The following BAG3 variants were observed in gnomAD, a reference collection of about 807,000 sequenced individuals.
BAG3 encodes BAG family molecular chaperone regulator 3.
A neutral mutation model predicts 40.5 loss-of-function variants in BAG3; 14 were observed. The observed-to-expected ratio is 0.35, with a 90% CI of 0.23 to 0.54. The LOEUF (loss-of-function observed/expected upper bound fraction) is 0.54, where lower values mean the gene tolerates loss of function less well. Among genes scored for constraint, BAG3 ranks in the 20% least tolerant of loss-of-function variants. The pLI is 0.91. For synonymous variants in BAG3, 302 were observed against 307.8 expected (o/e 0.98, Z 0.20); for missense variants, 788 against 758.6 (o/e 1.04, Z -0.46).
intron 1 of BAG3, among the ~76,000 whole-genome samples, chr10:119,666,870 A>G (rs930106441): frequency 6.6e-6 from 1 of 152,004 alleles, no homozygotes. Flanking sequence ...TATTCCCATC[A>G]CCTCAGAAAG....
At chr10:119,668,951 G>A (rs1847103366) in intron 1 of BAG3, among the ~76,000 whole-genome samples, 1 of 152,170 alleles carries the variant, frequency 6.6e-6, no homozygotes, top group African/African-American at 2.4e-5. Flanking sequence ...CAGTGTGGAT[G>A]GAAAATTAGA....
Position 119,676,881 on chromosome 10 carries a change from G to A in BAG3, c.1327G>A (p.Glu443Lys). Residue 443 changes from glutamate to lysine, a missense_variant, in exon 4 of 4, where the codon GAA (glutamate) becomes AAA (lysine). Physicochemically the swap from Glu to Lys is moderately conservative, Grantham distance 56. Coordinates refer to ENST00000369085, the MANE Select transcript of BAG3 (RefSeq NM_004281.4). Reference protein sequence around the residue: ...QGLEQAVDNFEGKKTDKKYLM... With the variant: ...QGLEQAVDNFKGKKTDKKYLM... Reference sequence around the variant, plus strand: ...GCTGGAGCAGGCTGTAGACAACTTTGAAGGCAAGAAGACTGACAAAAAGTA... The same window carrying A: ...GCTGGAGCAGGCTGTAGACAACTTTAAAGGCAAGAAGACTGACAAAAAGTA... The A allele has an allele frequency of 6.2e-7, 1 of 1,614,192 alleles. No homozygotes were observed.
rs115272164 is a variant in BAG3, at chr10:119,654,096, T to C, written c.180+2241T>C. Reference sequence around the variant, plus strand: ...CATGAGCTGTTTGTGCTTCATTGCTTTCAATCCTGTGCTTTGACACACACA... The same window carrying C: ...CATGAGCTGTTTGTGCTTCATTGCTCTCAATCCTGTGCTTTGACACACACA... On this transcript the variant is annotated intron_variant, in intron 1 of 3. Coordinates refer to ENST00000369085, the MANE Select transcript of BAG3 (RefSeq NM_004281.4). Among the ~76,000 whole-genome samples, 638 of 152,310 alleles carry C rather than the reference T, an allele frequency of 4.2e-3. 7 individuals are homozygous for C. Among genetic ancestry groups the C allele is most frequent in the African/African-American group, 0.014 (602 of 41,568 alleles).
chr10:119,652,135 C>T (rs1414828513), intron 1 of BAG3, among the ~76,000 whole-genome samples: 1 of 152,076 alleles, frequency 6.6e-6, no homozygotes, highest in East Asian at 1.9e-4. Context: ...GTCCACGGCT[C>T]GACTCCAGGG....
chr10:119,671,600 GC>G (rs1847151004), intron 2 of BAG3, among the ~76,000 whole-genome samples: 1 of 152,180 alleles, frequency 6.6e-6, no homozygotes, highest in African/African-American at 2.4e-5. Flanking sequence ...CTGTGTGCTG[GC>G]CTGGGGCTGA....
At chr10:119,653,137 C>T (rs1253656499) in intron 1 of BAG3, among the ~76,000 whole-genome samples, 2 of 152,342 alleles carry the variant, frequency 1.3e-5, no homozygotes, top group East Asian at 3.9e-4. Context: ...ATTGATAAAA[C>T]TCCGGTGCCC....
intron 1 of BAG3, among the ~76,000 whole-genome samples, chr10:119,661,146 G>C (rs901408868): frequency 6.6e-6 from 1 of 152,184 alleles, no homozygotes; most frequent in African/African-American, 2.4e-5. Flanking sequence ...TGTAATCCCA[G>C]CTACTCGGGA....
intron 1 of BAG3, among the ~76,000 whole-genome samples, chr10:119,655,517 C>T (rs959733798): frequency 2.0e-5 from 3 of 152,140 alleles, no homozygotes; most frequent in African/African-American, 7.2e-5. Context: ...TTCAGCAGAG[C>T]CTCCTGAATT....
intron 3 of BAG3, among the ~76,000 whole-genome samples, chr10:119,673,035 C>T (rs1847174651): frequency 6.6e-6 from 1 of 152,130 alleles, no homozygotes; most frequent in African/African-American, 2.4e-5. Flanking sequence ...CAGTGTGTCA[C>T]CTTCCACTCA....
Position 119,672,244 on chromosome 10 carries a change from G to A in BAG3, c.508-11G>A. 1 of 1,612,186 alleles carries A rather than the reference G, an allele frequency of 6.2e-7. No homozygotes were observed. The highest frequency in any genetic ancestry group is 8.5e-7 in the Non-Finnish European group (1 of 1,180,014). On this transcript the variant is annotated splice_polypyrimidine_tract_variant and intron_variant, in intron 2 of 3. Transcript: ENST00000369085. The surrounding 1 kb of genome is among the most constrained non-coding windows in gnomAD (Gnocchi z 4.8). Reference sequence around the variant, plus strand: ...TGTGGGGTCATGCCCTCTACCCTGTGTCTCTTGCAGCGGTCCCAGTCTCCA... The same window carrying A: ...TGTGGGGTCATGCCCTCTACCCTGTATCTCTTGCAGCGGTCCCAGTCTCCA...
At chr10:119,652,978 G>T (rs1004603320) in intron 1 of BAG3, among the ~76,000 whole-genome samples, 1 of 152,154 alleles carries the variant, frequency 6.6e-6, no homozygotes, top group Non-Finnish European at 1.5e-5. Flanking sequence ...TGTTAACGCC[G>T]TCTGGGCAAG....
At chr10:119,666,569 G>T (rs1847070977) in intron 1 of BAG3, among the ~76,000 whole-genome samples, 1 of 151,652 alleles carries the variant, frequency 6.6e-6, no homozygotes, top group Non-Finnish European at 1.5e-5. Context: ...GATGCACGAG[G>T]TGCTCAGCGA....
chr10:119,665,092 T>TTTG lies in BAG3; in HGVS notation c.181-4758_181-4757insTGT, dbSNP rs1554876558. ...GCCACCACACACAGCTAATTTTTGT[T>TTTG]TGTGTGTGTGTGTGTGTGTGTGTGT... On this transcript the variant is annotated intron_variant, in intron 1 of 3. Coordinates refer to ENST00000369085, the MANE Select transcript of BAG3 (RefSeq NM_004281.4). Among the ~76,000 whole-genome samples, 681 of 87,848 alleles carry TTTG rather than the reference T, an allele frequency of 7.8e-3. 8 individuals carry two copies. Among genetic ancestry groups the TTTG allele is most frequent in the Middle Eastern group, 0.02 (3 of 150 alleles). 57.6% of individuals were successfully genotyped at this position (87,848 alleles called of 152,430 possible).
rs768613403 is a variant in BAG3 at position 119,676,581 on chromosome 10, C to T, written c.1027C>T (p.Arg343Cys). The T allele has an allele frequency of 2.3e-5, 37 of 1,613,998 alleles. No individual in the cohort carries two copies. Among genetic ancestry groups the T allele is most frequent in the East Asian group, 1.3e-4 (6 of 44,896 alleles). Residue 343 changes from arginine to cysteine, a missense_variant, in exon 4 of 4, where the codon CGC becomes TGC. By Grantham distance (180) the Arg-to-Cys change is radical (BLOSUM62 -3). Transcript: ENST00000369085. ...PPGHIPIQVI[R>C]KEVDSKPVSQ... ...TGGACACATCCCAATTCAAGTGATC[C>T]GCAAAGAGGTGGATTCTAAACCTGT...
At position 119,672,781 on chromosome 10, in the gene BAG3, A is replaced by T; in HGVS notation, c.909+125A>T. On this transcript the variant is annotated intron_variant, in intron 3 of 3. Transcript: ENST00000369085. The surrounding 1 kb of genome is among the most constrained non-coding windows in gnomAD (Gnocchi z 4.8). ...TTTAACATGCGTGTACCTACAGGCA[A>T]GTGAGATTCGAGAAATTGCTAGGTA... The T allele has an allele frequency of 2.9e-6, 4 of 1,361,226 alleles. No homozygotes were observed. The highest frequency in any genetic ancestry group is 4.1e-6 in the Non-Finnish European group (4 of 980,950). 84.3% of individuals were successfully genotyped at this position (1,361,226 alleles called of 1,614,324 possible).
At position 119,672,528 on chromosome 10, in the gene BAG3, C is replaced by G; in HGVS notation, c.781C>G (p.Arg261Gly). 2 of 1,613,860 alleles carry G rather than the reference C, an allele frequency of 1.2e-6. No homozygotes were observed. Among genetic ancestry groups the G allele is most frequent in the Non-Finnish European group, 1.7e-6 (2 of 1,179,872 alleles). Residue 261 changes from arginine to glycine, a missense_variant, in exon 3 of 4, where the codon CGG becomes GGG. Physicochemically the swap from Arg to Gly is moderately radical, Grantham distance 125. Transcript: ENST00000369085. The surrounding 1 kb of genome is among the most constrained non-coding windows in gnomAD (Gnocchi z 4.8). ...GGATGACTGGGAGCCCCGGCCCCTGCGGGCGGCATCCCCGTTCAGGTCATC... is the reference window on the plus strand; with the variant it reads ...GGATGACTGGGAGCCCCGGCCCCTGGGGGCGGCATCCCCGTTCAGGTCATC... ...QGDDWEPRPL[R>G]AASPFRSSVQ... is the part of the protein sequence containing the mutation.
Position 119,677,415 on chromosome 10 carries a change from A to G in BAG3, c.*133A>G. ...TATGCAGTAACTTGGGTGGAGGCAA[A>G]ACACTAATAAAAGGGCTAAAAAGGA... is the stretch of plus-strand genomic sequence containing the variant. On this transcript the variant is annotated 3_prime_UTR_variant, in exon 4 of 4. Transcript: ENST00000369085. 1 of 1,059,392 alleles carries G rather than the reference A, an allele frequency of 9.4e-7. No individual in the cohort carries two copies. Among genetic ancestry groups the G allele is most frequent in the Non-Finnish European group, 1.4e-6 (1 of 701,220 alleles). 65.6% of individuals were successfully genotyped at this position (1,059,392 alleles called of 1,614,324 possible).
chr10:119,653,458 A>G lies in BAG3; in HGVS notation c.180+1603A>G, dbSNP rs541181447. Among the ~76,000 whole-genome samples the G allele has an allele frequency of 2.6e-5, 4 of 152,322 alleles. No homozygotes were observed. The East Asian group carries it at 7.7e-4, about 29-fold the overall frequency. The stretch of plus-strand genomic sequence containing the variant: ...TGTTGTGAGTGAAGATCAAGTTTGA[A>G]CATAAACATTCCCAGCACTTTGTTC... On this transcript the variant is annotated intron_variant, in intron 1 of 3. Transcript: ENST00000369085.
rs371026669 is a variant in BAG3, at chr10:119,669,944, G to C, written c.274G>C (p.Gly92Arg). The C allele has an allele frequency of 6.2e-7, 1 of 1,614,120 alleles. No homozygotes were observed. Among genetic ancestry groups the C allele is most frequent in the Non-Finnish European group, 8.5e-7 (1 of 1,180,048 alleles). ...GHPVYPQLRPGYIPIPVLHEG... is the reference protein window; with the variant it reads ...GHPVYPQLRPRYIPIPVLHEG... ...CCCTGTGTACCCCCAGCTCCGACCA[G>C]GCTACATTCCCATTCCTGTGCTCCA... Residue 92 changes from glycine (G) to arginine (R), a missense_variant, in exon 2 of 4, where the codon GGC becomes CGC. Gly to Arg is a moderately radical substitution (Grantham distance 125). Coordinates refer to ENST00000369085, the MANE Select transcript of BAG3 (RefSeq NM_004281.4).
Sources: allele counts gnomAD v4.1 joint callset (sites outside exome capture counted in the v4.1 genomes callset), GRCh38; gene constraint gnomAD v4.1.1; non-coding constraint Gnocchi (gnomAD v3.1); transcripts MANE v1.5; gene names NCBI Gene and HGNC (gene_info 2026-07-23, HGNC 2026-07-21).